The following NLGN1 variants were observed in gnomAD, a reference collection of about 807,000 sequenced individuals.
The protein encoded by NLGN1 is neuroligin 1.
NLGN1 carries 12 observed loss-of-function variants against 65.5 expected under a neutral mutation model. The observed-to-expected ratio is 0.18, with a 90% CI of 0.12 to 0.30. The LOEUF (loss-of-function observed/expected upper bound fraction) is 0.30. NLGN1 is among the 10% of genes least tolerant of loss of function. The pLI is 1.00. For missense variants in NLGN1, 750 were observed against 1,007.1 expected (o/e 0.74, Z 3.46); for synonymous variants, 350 against 359.5 (o/e 0.97, Z 0.30).
At chr3:173,531,354 G>A (rs1736535722) in intron 2 of NLGN1, among the ~76,000 whole-genome samples, 1 of 151,892 alleles carries the variant, frequency 6.6e-6, no homozygotes, top group Non-Finnish European at 1.5e-5. Context: ...GATGGACATT[G>A]CAATTTTTTA....
intron 2 of NLGN1, among the ~76,000 whole-genome samples, chr3:173,557,127 A>G (rs1220814874): frequency 6.6e-6 from 1 of 152,104 alleles, no homozygotes; most frequent in East Asian, 1.9e-4. Context: ...CCCTGAAATA[A>G]ATTTTGATGC....
At chr3:174,242,525 T>C (rs1743075143) in intron 4 of NLGN1, among the ~76,000 whole-genome samples, 1 of 152,096 alleles carries the variant, frequency 6.6e-6, no homozygotes, top group South Asian at 2.1e-4. Flanking sequence ...GTCAAATCAG[T>C]GGCAGCATTA....
chr3:174,075,139 T>C (rs546465540), intron 4 of NLGN1, among the ~76,000 whole-genome samples: 1 of 152,222 alleles, frequency 6.6e-6, no homozygotes, highest in South Asian at 2.1e-4. Flanking sequence ...TAAATCTGCA[T>C]CCTGAATTCT....
intron 3 of NLGN1, among the ~76,000 whole-genome samples, chr3:173,747,095 C>T (rs930808558): frequency 6.7e-6 from 1 of 150,064 alleles, no homozygotes; most frequent in Non-Finnish European, 1.5e-5. Context: ...CACACACAAA[C>T]ACACACGTGT....
At chr3:173,437,965 T>G (rs1185615725) in intron 2 of NLGN1, among the ~76,000 whole-genome samples, 1 of 152,160 alleles carries the variant, frequency 6.6e-6, no homozygotes, top group African/African-American at 2.4e-5. Context: ...ATTTCAGCCC[T>G]TAGACTGAGT....
At chr3:174,181,247 A>G (rs1041781542) in intron 4 of NLGN1, among the ~76,000 whole-genome samples, 20 of 152,068 alleles carry the variant, frequency 1.3e-4, no homozygotes, top group African/African-American at 4.6e-4. Context: ...TTCTGTACCT[A>G]CCTGTGTCTT....
chr3:173,812,046 A>C (rs7612966), intron 4 of NLGN1, among the ~76,000 whole-genome samples: 4,610 of 152,278 alleles, frequency 0.03, 182 homozygotes, highest in East Asian at 0.17. Flanking sequence ...TAATTCTAGC[A>C]CATGTGATTT....
intron 3 of NLGN1, among the ~76,000 whole-genome samples, chr3:173,616,877 G>T (rs751019041): frequency 1.3e-5 from 2 of 151,986 alleles, no homozygotes; most frequent in Non-Finnish European, 2.9e-5. Flanking sequence ...TCCCCTCAAG[G>T]ATTCTCTATT....
chr3:173,713,475 A>T (rs1433193369), intron 3 of NLGN1, among the ~76,000 whole-genome samples: 2 of 152,112 alleles, frequency 1.3e-5, no homozygotes, highest in Non-Finnish European at 2.9e-5. Context: ...AATGGCACCA[A>T]ACACTAGCTT....
intron 3 of NLGN1, among the ~76,000 whole-genome samples, chr3:173,717,322 G>GTTA (rs1770024378): frequency 6.6e-6 from 1 of 152,150 alleles, no homozygotes; most frequent in Admixed American, 6.5e-5. Flanking sequence ...TTTTTAAGCT[G>GTTA]TTAAGATCTC....
chr3:173,905,343 G>A (rs4280663), intron 4 of NLGN1, among the ~76,000 whole-genome samples: 64,936 of 152,010 alleles, frequency 0.43, 15,576 homozygotes, highest in East Asian at 0.79. Context: ...AGAGCCAAAG[G>A]GTCCATATTA....
chr3:173,807,506 T>C (rs904925697), intron 3 of NLGN1, among the ~76,000 whole-genome samples, 174 bp from the exon 4 acceptor site: 15 of 152,318 alleles, frequency 9.8e-5, no homozygotes, highest in African/African-American at 3.6e-4. Context: ...TGCCTATTGC[T>C]ATTTCCACAA....
At chr3:173,677,564 G>A (rs545278763) in intron 3 of NLGN1, among the ~76,000 whole-genome samples, 4 of 152,072 alleles carry the variant, frequency 2.6e-5, no homozygotes, top group Non-Finnish European at 4.4e-5. Flanking sequence ...CAGATGAGCA[G>A]AAATATTGTT....
At chr3:173,706,265 A>G (rs78296111) in intron 3 of NLGN1, among the ~76,000 whole-genome samples, 2,975 of 152,270 alleles carry the variant, frequency 0.02, 40 homozygotes, top group Non-Finnish European at 0.03. Flanking sequence ...TCCCCTCTTC[A>G]CTTAACAATA....
Position 173,867,133 on chromosome 3 carries a change from A to G in NLGN1, c.646+59301A>G, listed in dbSNP as rs1290456851. ...AACTAAGCATTCTTAAAACTAATTT[A>G]GATAAAAACTATCAAATAAAATTTA... On this transcript the variant is annotated intron_variant, in intron 4 of 6. Transcript: ENST00000457714. 3.3e-5 allele frequency among the ~76,000 whole-genome samples: 5 copies of G among 152,196 alleles called. No individual in the cohort carries two copies. In the East Asian group the frequency reaches 9.6e-4, roughly 29 times the overall value.
chr3:174,106,187 C>T (rs957084337), intron 4 of NLGN1, among the ~76,000 whole-genome samples: 1 of 152,096 alleles, frequency 6.6e-6, no homozygotes, highest in Non-Finnish European at 1.5e-5. Context: ...ATCTAGAGCT[C>T]GCATAAAGTT....
At chr3:173,830,595 A>T (rs1161761824) in intron 4 of NLGN1, among the ~76,000 whole-genome samples, 1 of 152,212 alleles carries the variant, frequency 6.6e-6, no homozygotes, top group Non-Finnish European at 1.5e-5. Context: ...ATATTGAGGA[A>T]ATCCAATCCA....
At chr3:173,643,123 A>T (rs921555611) in intron 3 of NLGN1, among the ~76,000 whole-genome samples, 2 of 152,224 alleles carry the variant, frequency 1.3e-5, no homozygotes, top group African/African-American at 2.4e-5. Context: ...ACTATTCAGG[A>T]TGAAACGGAG....
chr3:173,452,511 A>T (rs1721784195), intron 2 of NLGN1, among the ~76,000 whole-genome samples: 1 of 152,018 alleles, frequency 6.6e-6, no homozygotes, highest in South Asian at 2.1e-4. Flanking sequence ...TTTCACATTC[A>T]AATTTTCTTA....
Sources: allele counts gnomAD v4.1 joint callset (sites outside exome capture counted in the v4.1 genomes callset), GRCh38; gene constraint gnomAD v4.1.1; transcripts MANE v1.5; gene names NCBI Gene and HGNC (gene_info 2026-07-23, HGNC 2026-07-21).